SYTL3: variants seen among roughly 807,000 people sequenced by gnomAD.
SYTL3 encodes synaptotagmin like 3.
Under a neutral mutation model 82.1 loss-of-function variants are expected in SYTL3, and 88 were observed. The observed-to-expected ratio is 1.07, with a 90% CI of 0.90 to 1.28. The LOEUF is 1.28. Among genes scored for constraint, SYTL3 ranks in the 50% most tolerant of loss-of-function variants. The pLI, the probability that SYTL3 is intolerant of heterozygous loss-of-function variation, is 0.00. For synonymous variants in SYTL3, 311 were observed against 289.4 expected (o/e 1.07, Z -0.76); for missense variants, 831 against 757.6 (o/e 1.10, Z -1.14).
intron 6 of SYTL3, among the ~76,000 whole-genome samples, chr6:158,705,194 C>T (rs1167246982): frequency 2.4e-5 from 1 of 41,548 alleles, no homozygotes; most frequent in Non-Finnish European, 4.5e-5. Context: ...GGCTGTAAGG[C>T]CACATAGGGC....
intron 5 of SYTL3, among the ~76,000 whole-genome samples, chr6:158,673,629 C>T (rs890972366): frequency 3.3e-5 from 5 of 150,630 alleles, no homozygotes; most frequent in Admixed American, 6.6e-5. Flanking sequence ...TTAGTAGAGA[C>T]GGGGTTTCAC....
intron 6 of SYTL3, among the ~76,000 whole-genome samples, chr6:158,689,359 T>C (rs1318736101): frequency 1.3e-5 from 2 of 152,244 alleles, no homozygotes; most frequent in African/African-American, 4.8e-5. Context: ...TCGTTTTGAT[T>C]TGAATTCATC....
chr6:158,699,809 G>A (rs1035428650), intron 6 of SYTL3, among the ~76,000 whole-genome samples: 3 of 151,814 alleles, frequency 2.0e-5, no homozygotes, highest in African/African-American at 7.3e-5. Context: ...TTAGCCAGGT[G>A]AGGTGGTGTG....
intron 2 of SYTL3, among the ~76,000 whole-genome samples, chr6:158,655,192 A>G (rs1305532345): frequency 6.6e-6 from 1 of 152,212 alleles, no homozygotes; most frequent in African/African-American, 2.4e-5. Flanking sequence ...TTCCTGTTAA[A>G]TTCCAAAATG....
rs767120239 is a variant in SYTL3, at chr6:158,682,905, C to CT, written c.330-17dup. 3.7e-6 allele frequency: 6 copies of CT among 1,605,248 alleles called. No homozygotes were observed. In the East Asian group the frequency reaches 1.3e-4, roughly 36 times the overall value. On this transcript the variant is annotated intron_variant, in intron 5 of 17. Coordinates refer to ENST00000611299, the MANE Select transcript of SYTL3 (RefSeq NM_001242394.2). ...TCATATCTTCTCTCTCTGAAGCTTC[C>CT]TTTCTGCTCATTTTTTCAGGAATGT...
chr6:158,684,099 A>T (rs1779032348), intron 6 of SYTL3, among the ~76,000 whole-genome samples: 1 of 152,118 alleles, frequency 6.6e-6, no homozygotes, highest in Non-Finnish European at 1.5e-5. Flanking sequence ...TTACGGAAAT[A>T]CCCGTAATTT....
intron 5 of SYTL3, among the ~76,000 whole-genome samples, chr6:158,678,919 C>A (rs573714346): frequency 1.3e-5 from 2 of 152,298 alleles, no homozygotes; most frequent in South Asian, 4.1e-4. Context: ...ACTTTCATAA[C>A]CTCATTCTGA....
rs1436143998 is a variant in SYTL3 at position 158,707,242 on chromosome 6, C to T, written c.407C>T (p.Thr136Ile). 5.0e-6 allele frequency: 8 copies of T among 1,613,788 alleles called. No homozygotes were observed. The Admixed American group carries it at 1.3e-4, about 27-fold the overall frequency. Residue 136 changes from threonine (T) to isoleucine (I), a missense_variant, in exon 7 of 18, where the codon ACA (threonine) becomes ATA (isoleucine). Thr to Ile is a moderately conservative substitution (Grantham distance 89, BLOSUM62 -1). Coordinates refer to ENST00000611299, the MANE Select transcript of SYTL3 (RefSeq NM_001242394.2). ...ATATCTCTCGCAGGCAAACATGAGA[C>T]AGTTGGAGGGCAGCTCTTGCAATCT... is the stretch of plus-strand genomic sequence containing the variant. Reference protein sequence around the residue: ...KKFPTGGKHETVGGQLLQSYQ... With the variant: ...KKFPTGGKHEIVGGQLLQSYQ...
At chr6:158,757,783 C>T (rs1789337048) in intron 14 of SYTL3, among the ~76,000 whole-genome samples, 1 of 152,202 alleles carries the variant, frequency 6.6e-6, no homozygotes, top group Non-Finnish European at 1.5e-5. Flanking sequence ...ACCTTTCAAC[C>T]CCAGGCACTC....
At chr6:158,726,621 G>A (rs763394808) in intron 11 of SYTL3, 7 of 241,486 alleles carry the variant, frequency 2.9e-5, no homozygotes, top group Middle Eastern at 4.4e-3. Flanking sequence ...TGGATGGGAA[G>A]TGATCTAATA....
chr6:158,653,840 C>T (rs1007826665), intron 2 of SYTL3, among the ~76,000 whole-genome samples: 1 of 152,224 alleles, frequency 6.6e-6, no homozygotes, highest in African/African-American at 2.4e-5. Context: ...TGACGTTTCC[C>T]CCGTACCAGG....
At chr6:158,712,625 T>C (rs191931460) in intron 8 of SYTL3, among the ~76,000 whole-genome samples, 1 of 152,352 alleles carries the variant, frequency 6.6e-6, no homozygotes, top group Admixed American at 6.5e-5. Context: ...ATTTAGACTT[T>C]AGGGATTTTG....
intron 16 of SYTL3, among the ~76,000 whole-genome samples, chr6:158,762,912 G>A (rs142641737): frequency 8.5e-5 from 13 of 152,138 alleles, no homozygotes; most frequent in African/African-American, 2.6e-4. Flanking sequence ...ACAAAACTCC[G>A]TCTCAAAAAA....
At chr6:158,647,543 T>C (rs1019983817), upstream of SYTL3, among the ~76,000 whole-genome samples, 31 of 152,254 alleles carry the variant, frequency 2.0e-4, no homozygotes, top group Non-Finnish European at 1.0e-4. Flanking sequence ...GCTTATGTGA[T>C]GTTGTAGTGC....
At chr6:158,739,232 A>G (rs1436682856) in intron 11 of SYTL3, among the ~76,000 whole-genome samples, 2 of 151,946 alleles carry the variant, frequency 1.3e-5, no homozygotes, top group African/African-American at 4.8e-5. Context: ...TCTTTTCATC[A>G]TTCTTTTTGG....
chr6:158,655,088 T>G (rs1369512465), intron 2 of SYTL3, among the ~76,000 whole-genome samples: 1 of 152,158 alleles, frequency 6.6e-6, no homozygotes, highest in African/African-American at 2.4e-5. Flanking sequence ...ACCGAATAAA[T>G]GTCATCCTGG....
chr6:158,712,763 T>C (rs958170100), intron 8 of SYTL3, among the ~76,000 whole-genome samples: 11 of 148,200 alleles, frequency 7.4e-5, no homozygotes, highest in East Asian at 5.8e-4. Context: ...TTCTTTCTTT[T>C]TTTTTTTTTT....
rs371186233 is a variant in SYTL3, at chr6:158,725,601, G to A, written c.819G>A (p.Pro273=). The A allele has an allele frequency of 1.5e-5, 24 of 1,614,128 alleles. No individual in the cohort carries two copies. Among genetic ancestry groups the A allele is most frequent in the Non-Finnish European group, 1.8e-5 (21 of 1,180,036 alleles). ...AGCAACAGAATCTCCCATCCAGTCC[G>A]GCACCCAGTACCATATTCTCTGGAG... is the stretch of plus-strand genomic sequence containing the variant. ...ILKQQNLPSS[P]APSTIFSGGF... The change falls in exon 11 of 18, where the codon CCG becomes CCA. Residue 273 remains proline (P), a synonymous_variant. Coordinates refer to ENST00000611299, the MANE Select transcript of SYTL3 (RefSeq NM_001242394.2).
intron 15 of SYTL3, among the ~76,000 whole-genome samples, chr6:158,761,314 T>TTTTTG (rs1789906475): frequency 7.0e-6 from 1 of 142,664 alleles, no homozygotes; most frequent in Admixed American, 6.8e-5. Context: ...TTTTTTTTTT[T>TTTTTG]TTTTTTGAGA....
Sources: allele counts gnomAD v4.1 joint callset (sites outside exome capture counted in the v4.1 genomes callset), GRCh38; gene constraint gnomAD v4.1.1; transcripts MANE v1.5; gene names NCBI Gene and HGNC (gene_info 2026-07-23, HGNC 2026-07-21).